SLC38A8: variants seen among roughly 807,000 people sequenced by gnomAD.
The protein encoded by SLC38A8 is solute carrier family 38 member 8, also known as amino acid transporter SLC38A8.
SLC38A8 carries 65 observed loss-of-function variants against 46.0 expected under a neutral mutation model. The ratio of observed to expected loss-of-function variants is 1.41; its 90% CI spans 1.16 to 1.74. The LOEUF (loss-of-function observed/expected upper bound fraction) is 1.74, where lower values mean the gene tolerates loss of function less well. SLC38A8 is among the 40% of genes most tolerant of loss of function. SLC38A8 has a pLI of 0.00. For synonymous variants in SLC38A8, 447 were observed against 243.7 expected (o/e 1.83, Z -7.77); for missense variants, 998 against 567.9 (o/e 1.76, Z -7.70).
At chr16:84,025,698 G>A (rs997270295) in intron 6 of SLC38A8, among the ~76,000 whole-genome samples, 11 of 152,166 alleles carry the variant, frequency 7.2e-5, no homozygotes, top group Non-Finnish European at 1.3e-4. Context: ...CGGTGCAAGT[G>A]AGCCAAGCCA....
At chr16:84,030,920 C>T (rs1227294047) in intron 5 of SLC38A8, among the ~76,000 whole-genome samples, 1 of 152,216 alleles carries the variant, frequency 6.6e-6, no homozygotes. Context: ...TTCCTCATTG[C>T]CTCCTCTGAA....
intron 7 of SLC38A8, among the ~76,000 whole-genome samples, chr16:84,019,235 C>T (rs187490487): frequency 4.8e-4 from 73 of 152,132 alleles, no homozygotes; most frequent in Non-Finnish European, 8.7e-4. Context: ...TCACCATGCT[C>T]GGCTATATTT....
intron 9 of SLC38A8, among the ~76,000 whole-genome samples, chr16:84,015,465 C>T (rs746596250): frequency 5.9e-5 from 9 of 152,024 alleles, no homozygotes; most frequent in African/African-American, 7.2e-5. Context: ...TTCACATATA[C>T]GATTTTCTTT....
intron 4 of SLC38A8, 67 bp downstream of exon 4, chr16:84,033,261 G>C (rs1241070428): frequency 2.5e-6 from 4 of 1,607,652 alleles, no homozygotes; most frequent in Admixed American, 3.4e-5. Context: ...ACCCCAGATG[G>C]ACAGAAACCC....
intron 3 of SLC38A8, among the ~76,000 whole-genome samples, 171 bp from the exon 4 acceptor site, chr16:84,033,640 G>A (rs2085271526): frequency 6.6e-6 from 1 of 152,026 alleles, no homozygotes; most frequent in Admixed American, 6.5e-5. Flanking sequence ...CCCCACGCAG[G>A]AACAAACCCT....
At chr16:84,031,752 A>T (rs1050356289) in intron 5 of SLC38A8, 115 bp downstream of exon 5, 28 of 842,222 alleles carry the variant, frequency 3.3e-5, no homozygotes, top group Middle Eastern at 3.5e-4. Context: ...ACTGGAAGGA[A>T]GGAGCCCAGG....
chr16:84,015,823 A>T (rs929211793), intron 9 of SLC38A8, among the ~76,000 whole-genome samples: 3 of 152,264 alleles, frequency 2.0e-5, no homozygotes, highest in African/African-American at 7.2e-5. Context: ...CTCCTGCCTA[A>T]GCCTCCTGAG....
chr16:84,012,910 G>A (rs1597247189), intron 10 of SLC38A8, 91 bp downstream of exon 10: 5 of 1,377,368 alleles, frequency 3.6e-6, no homozygotes, highest in East Asian at 4.6e-5. Flanking sequence ...GGATGCAGAG[G>A]ATGAGAAATA....
intron 6 of SLC38A8, among the ~76,000 whole-genome samples, chr16:84,025,271 T>C (rs1004565412): frequency 1.3e-5 from 2 of 152,146 alleles, no homozygotes; most frequent in Non-Finnish European, 2.9e-5. Context: ...TGCCAAGGCC[T>C]CATTCCTGCC....
At chr16:84,042,525 A>C (rs2085379155) in intron 1 of SLC38A8, 26 bp downstream of exon 1, 3 of 172,430 alleles carry the variant, frequency 1.7e-5, no homozygotes, top group Non-Finnish European at 3.7e-5. Flanking sequence ...TTCTGTACAA[A>C]CAGACCCCCA....
intron 2 of SLC38A8, among the ~76,000 whole-genome samples, chr16:84,038,742 A>C (rs2085331334): frequency 6.6e-6 from 1 of 152,130 alleles, no homozygotes; most frequent in African/African-American, 2.4e-5. Flanking sequence ...CCATCCCCAG[A>C]AGAAACCACC....
chr16:84,014,874 C>T (rs534851549), intron 9 of SLC38A8, among the ~76,000 whole-genome samples: 4 of 152,104 alleles, frequency 2.6e-5, no homozygotes, highest in South Asian at 2.1e-4. Context: ...TCTTCCATCG[C>T]CCCCCCACCT....
Position 84,009,855 on chromosome 16 carries a change from C to T in SLC38A8, c.1237G>A (p.Val413Met). The change falls in exon 11 of 11, where the codon GTG becomes ATG. Residue 413 changes from valine to methionine, a missense_variant. Transcript: ENST00000299709. ...AAGGTGCCGACCAGCACAGAGACCA[C>T]TCCCCAGACCTCCAGGCAGCACCTG... ...RVKCCLEVWG[V>M]VSVLVGTFIF... The T allele has an allele frequency of 2.5e-6, 4 of 1,613,954 alleles. No individual in the cohort carries two copies. The highest frequency in any genetic ancestry group is 2.2e-5 in the East Asian group (1 of 44,870).
chr16:84,021,141 C>G lies in SLC38A8; in HGVS notation c.805+1634G>C, dbSNP rs571008883. On this transcript the variant is annotated intron_variant, in intron 7 of 10. Coordinates refer to ENST00000299709, the MANE Select transcript of SLC38A8 (RefSeq NM_001080442.3). ...GCAATGGTGCGATCTCAGCTCACTGCAACCTCCAGCTCCCAGGTTCAATTG... is the reference window on the plus strand; with the variant it reads ...GCAATGGTGCGATCTCAGCTCACTGGAACCTCCAGCTCCCAGGTTCAATTG... Among the ~76,000 whole-genome samples, 3 of 152,306 alleles carry G rather than the reference C, an allele frequency of 2.0e-5. No homozygotes were observed. The South Asian group carries it at 6.2e-4, about 32-fold the overall frequency.
chr16:84,032,511 G>A (rs2085253529), intron 4 of SLC38A8, among the ~76,000 whole-genome samples: 2 of 152,204 alleles, frequency 1.3e-5, no homozygotes, highest in African/African-American at 2.4e-5. Flanking sequence ...GGCACCCGGC[G>A]CCCTTCGGGA....
rs1342291825 is a variant in SLC38A8, at chr16:84,033,328, C to G, written c.530G>C (p.Ser177Thr). ...CACCAGGCAGCATCCCAGCCCTTAC[C>G]TTGTGTATTTCTGGAAGGCGATCTC... is the stretch of plus-strand genomic sequence containing the variant. The part of the protein sequence containing the change: ...PREIAFQKYT[S>T]ILGTLAACYL... The change falls in exon 4 of 11, where the codon AGC (serine) becomes ACC (threonine). Residue 177 changes from serine (S) to threonine (T), a missense_variant and splice_region_variant. Coordinates refer to ENST00000299709, the MANE Select transcript of SLC38A8 (RefSeq NM_001080442.3). The G allele has an allele frequency of 6.2e-7, 1 of 1,614,056 alleles. No homozygotes were observed. The highest frequency in any genetic ancestry group is 1.3e-5 in the African/African-American group (1 of 75,016).
chr16:84,017,556 G>A (rs962220021), intron 7 of SLC38A8, among the ~76,000 whole-genome samples: 14 of 152,158 alleles, frequency 9.2e-5, no homozygotes, highest in African/African-American at 2.7e-4. Flanking sequence ...CCCACAGTGC[G>A]TGTGTTGACT....
intron 9 of SLC38A8, among the ~76,000 whole-genome samples, chr16:84,014,843 C>G (rs534659422): frequency 1.4e-3 from 207 of 152,312 alleles, no homozygotes; most frequent in Middle Eastern, 0.01. Flanking sequence ...TGATAACCAA[C>G]ATTTCTCTGT....
chr16:84,033,470 C>T lies in SLC38A8; in HGVS notation c.389-1G>A. On this transcript the variant is annotated splice_acceptor_variant, in intron 3 of 10. Coordinates refer to ENST00000299709, the MANE Select transcript of SLC38A8 (RefSeq NM_001080442.3). LOFTEE classifies it high-confidence loss of function. ...GTGCCAGACAGGAGGGAGTCACACACTGCCAGAGACACGGGGAGAGCTGAG... is the reference window on the plus strand; with the variant it reads ...GTGCCAGACAGGAGGGAGTCACACATTGCCAGAGACACGGGGAGAGCTGAG... 6.3e-7 allele frequency: 1 copy of T among 1,596,896 alleles called. No homozygotes were observed. Among genetic ancestry groups the T allele is most frequent in the Non-Finnish European group, 8.5e-7 (1 of 1,172,080 alleles).
Sources: gnomAD v4.1 joint callset for allele counts (sites outside exome capture counted in the v4.1 genomes callset) on GRCh38, gnomAD v4.1.1 for gene constraint, MANE v1.5 for transcripts, NCBI Gene and HGNC (gene_info 2026-07-23, HGNC 2026-07-21) for gene names.